The following SMG7 variants were observed in gnomAD, a reference collection of about 807,000 sequenced individuals.
SMG7 encodes SMG7 nonsense mediated mRNA decay factor.
SMG7 carries 34 observed loss-of-function variants against 148.2 expected under a neutral mutation model. The observed-to-expected ratio is 0.23, with a 90% CI of 0.17 to 0.31. The LOEUF (loss-of-function observed/expected upper bound fraction) is 0.31. Among genes scored for constraint, SMG7 ranks in the 10% least tolerant of loss-of-function variants. SMG7 has a pLI of 1.00. For synonymous variants in SMG7, 492 were observed against 515.1 expected, an observed-to-expected ratio of 0.96 and a Z score of 0.61; for missense variants, 1,114 against 1,408.4, an observed-to-expected ratio of 0.79 and a Z score of 3.35.
chr1:183,502,326 A>G (rs1041602424), intron 1 of SMG7: 1 of 1,534,994 alleles, frequency 6.5e-7, no homozygotes, highest in African/African-American at 1.4e-5. Flanking sequence ...AAAACGTTTC[A>G]TTTAAGTCCC....
At chr1:183,547,903 A>G (rs1390902917) in intron 18 of SMG7, among the ~76,000 whole-genome samples, 1 of 152,218 alleles carries the variant, frequency 6.6e-6, no homozygotes, top group Non-Finnish European at 1.5e-5. Flanking sequence ...ACATCATTCT[A>G]TATGCTTGTC....
At position 183,538,402 on chromosome 1, in the gene SMG7, T is replaced by A. The variant is rs1408059761; in HGVS notation, c.1257T>A (p.Phe419Leu). The change falls in exon 12 of 23, where the codon TTT (phenylalanine) becomes TTA (leucine). Residue 419 changes from phenylalanine (F) to leucine (L), a missense_variant. Phe to Leu is a conservative substitution (Grantham distance 22, BLOSUM62 0). Transcript: ENST00000688051. Reference sequence around the variant, plus strand: ...TAGCGACACCACTTCCAGAGGAGTTTGAATTACAAGGATTTTTGGCATTGA... The same window carrying A: ...TAGCGACACCACTTCCAGAGGAGTTAGAATTACAAGGATTTTTGGCATTGA... ...SISATPLPEE[F>L]ELQGFLALRP... 6.2e-7 allele frequency: 1 copy of A among 1,613,344 alleles called. No individual in the cohort carries two copies. The highest frequency in any genetic ancestry group is 8.5e-7 in the Non-Finnish European group (1 of 1,179,430).
At chr1:183,473,781 C>A (rs1329984357) in intron 1 of SMG7, 2 of 984,964 alleles carry the variant, frequency 2.0e-6, no homozygotes, top group Non-Finnish European at 1.2e-6. Context: ...TGTTTCATAC[C>A]TTGCGGAGGA....
At chr1:183,544,327 G>C in intron 14 of SMG7, 26 bp from the exon 15 acceptor site, 1 of 1,600,878 alleles carries the variant, frequency 6.2e-7, no homozygotes, top group Non-Finnish European at 8.6e-7. Context: ...ATTTATTATA[G>C]ATAGTTTTGC....
At chr1:183,490,106 A>G (rs1656574230) in intron 1 of SMG7, among the ~76,000 whole-genome samples, 1 of 152,244 alleles carries the variant, frequency 6.6e-6, no homozygotes, top group African/African-American at 2.4e-5. Context: ...TTTGGGAAAT[A>G]CAAGGACTGA....
chr1:183,534,922 T>TC (rs1481585751), intron 10 of SMG7, among the ~76,000 whole-genome samples: 1 of 152,046 alleles, frequency 6.6e-6, no homozygotes, highest in Non-Finnish European at 1.5e-5. Context: ...ATAAGCTCTT[T>TC]CCATGATATA....
Position 183,529,056 on chromosome 1 carries a change from G to GTT in SMG7, c.707+23_707+24dup. 27 of 1,471,992 alleles carry GTT rather than the reference G, an allele frequency of 1.8e-5. No individual in the cohort carries two copies. Among genetic ancestry groups the GTT allele is most frequent in the South Asian group, 6.5e-5 (5 of 77,172 alleles). 91.2% of individuals were successfully genotyped at this position (1,471,992 alleles called of 1,614,324 possible). On this transcript the variant is annotated intron_variant, in intron 7 of 22. Transcript: ENST00000688051. The stretch of plus-strand genomic sequence containing the variant: ...AGCACTGGAAAGGTAGGGTTGTTTG[G>GTT]TTTTTTTTTTCTCTTTCCAAGAGGA...
chr1:183,508,500 T>C (rs989722075), intron 1 of SMG7, among the ~76,000 whole-genome samples: 1 of 152,222 alleles, frequency 6.6e-6, no homozygotes, highest in African/African-American at 2.4e-5. Flanking sequence ...CCTATTTTTT[T>C]CTTTATAAAG....
chr1:183,542,262 C>G lies in SMG7; in HGVS notation c.1602C>G (p.Ser534Arg). The G allele has an allele frequency of 6.2e-7, 1 of 1,614,074 alleles. No homozygotes were observed. The highest frequency in any genetic ancestry group is 8.5e-7 in the Non-Finnish European group (1 of 1,179,992). Residue 534 changes from serine to arginine, a missense_variant, in exon 14 of 23, where the codon AGC becomes AGG. By Grantham distance (110) the Ser-to-Arg change is moderately radical. Coordinates refer to ENST00000688051, the MANE Select transcript of SMG7 (RefSeq NM_001375584.1). ...KSVLSTSRNL[S>R]NNCDTGEKPV... ...TGCTATCTACAAGCCGAAATTTAAGCAACAACTGTGACACAGGAGAGAAGC... is the reference window on the plus strand; with the variant it reads ...TGCTATCTACAAGCCGAAATTTAAGGAACAACTGTGACACAGGAGAGAAGC...
At chr1:183,475,073 C>T (rs574605143) in intron 1 of SMG7, among the ~76,000 whole-genome samples, 3 of 152,298 alleles carry the variant, frequency 2.0e-5, no homozygotes, top group Admixed American at 6.5e-5. Flanking sequence ...TGTTGAGGCT[C>T]ATATAGCTGG....
Position 183,553,581 on chromosome 1 carries a change from C to CA in SMG7, c.*1651dup, listed in dbSNP as rs1558081892. 1.1e-5 allele frequency: 2 copies of CA among 176,396 alleles called. No homozygotes were observed. The highest frequency in any genetic ancestry group is 2.2e-4 in the South Asian group (2 of 9,136). The allele number at this position is 176,396 out of a possible 1,614,324, so 10.9% of individuals were successfully genotyped here. ...CAATGAAAAGGGGTGAGATAACGCT[C>CA]ATTGCTCTTCAGAGAGAGTGGTTGG... On this transcript the variant is annotated 3_prime_UTR_variant, in exon 23 of 23. Transcript: ENST00000688051.
chr1:183,549,459 C>T (rs545928102), intron 19 of SMG7, among the ~76,000 whole-genome samples, 171 bp downstream of exon 19: 10 of 152,262 alleles, frequency 6.6e-5, no homozygotes, highest in Non-Finnish European at 1.3e-4. Flanking sequence ...GTGACTTGTA[C>T]ATCATGAATT....
Position 183,549,263 on chromosome 1 carries a change from C to A in SMG7, c.2948C>A (p.Ser983Tyr), listed in dbSNP as rs369707451. 1.9e-6 allele frequency: 3 copies of A among 1,613,312 alleles called. No homozygotes were observed. The highest frequency in any genetic ancestry group is 1.3e-5 in the African/African-American group (1 of 74,890). Residue 983 changes from serine (S) to tyrosine (Y), a missense_variant, in exon 19 of 23, where the codon TCC becomes TAC. Around this residue, in one of 4 missense-constraint regions of SMG7, gnomAD observed 788 missense variants for 894.5 expected, o/e 0.88. Coordinates refer to ENST00000688051, the MANE Select transcript of SMG7 (RefSeq NM_001375584.1). ...ELMSHSSSFL[S>Y]LTGFSLNQER... ...ATGTCACATTCATCCTCTTTCCTGTCCCTCACCGGATTCTCTCTCAATCAG... is the reference window on the plus strand; with the variant it reads ...ATGTCACATTCATCCTCTTTCCTGTACCTCACCGGATTCTCTCTCAATCAG...
At chr1:183,536,388 T>TA (rs1465906311) in intron 10 of SMG7, among the ~76,000 whole-genome samples, 2 of 152,256 alleles carry the variant, frequency 1.3e-5, no homozygotes, top group East Asian at 3.9e-4. Context: ...CTGTCATATA[T>TA]AATACATCAG....
chr1:183,500,246 A>G (rs1035082448), intron 1 of SMG7, among the ~76,000 whole-genome samples: 5 of 152,156 alleles, frequency 3.3e-5, no homozygotes, highest in Non-Finnish European at 5.9e-5. Flanking sequence ...TGTTCTGTAT[A>G]TATTATATAG....
rs573657630 is a variant in SMG7 at position 183,552,814 on chromosome 1, A to G, written c.*883A>G. On this transcript the variant is annotated 3_prime_UTR_variant, in exon 23 of 23. Transcript: ENST00000688051. ...GTCCATTCACAGCCTGACACGTTCT[A>G]ATAGGTAGAAGCTTTCAGTGTGGTT... 1 of 1,425,900 alleles carries G rather than the reference A, an allele frequency of 7.0e-7. No individual in the cohort carries two copies. Among genetic ancestry groups the G allele is most frequent in the South Asian group, 1.5e-5 (1 of 65,024 alleles). 88.3% of individuals were successfully genotyped at this position (1,425,900 alleles called of 1,614,324 possible).
chr1:183,486,106 A>G (rs1485121888), intron 1 of SMG7, among the ~76,000 whole-genome samples: 2 of 152,220 alleles, frequency 1.3e-5, no homozygotes, highest in East Asian at 1.9e-4. Flanking sequence ...AAATGAGTAG[A>G]TGTTTCTCTT....
chr1:183,488,544 G>T (rs1309992401), intron 1 of SMG7, among the ~76,000 whole-genome samples: 1 of 152,088 alleles, frequency 6.6e-6, no homozygotes, highest in Non-Finnish European at 1.5e-5. Context: ...TTAAGATCTA[G>T]TTTCTCAGTT....
Position 183,546,259 on chromosome 1 carries a change from A to G in SMG7, c.2664A>G (p.Ala888=), listed in dbSNP as rs1433063408. Residue 888 remains alanine (A), a synonymous_variant, in exon 17 of 23, where the codon GCA becomes GCG. Transcript: ENST00000688051. ...ACAGATCTGTAATGGCACAGCAAGC[A>G]AACATAGACCGCAGGGGCAAACGGT... ...ADNRSVMAQQ[A]NIDRRGKRSP... is the part of the protein sequence containing the mutation. 1 of 1,613,960 alleles carries G rather than the reference A, an allele frequency of 6.2e-7. No homozygotes were observed. The highest frequency in any genetic ancestry group is 1.3e-5 in the African/African-American group (1 of 74,910).
Sources: allele counts gnomAD v4.1 joint callset (sites outside exome capture counted in the v4.1 genomes callset), GRCh38; gene constraint gnomAD v4.1.1; regional missense constraint gnomAD v4.1.1; transcripts MANE v1.5; gene names NCBI Gene and HGNC (gene_info 2026-07-23, HGNC 2026-07-21).